TGFBR3: variants seen among roughly 807,000 people sequenced by gnomAD.
TGFBR3 encodes the protein transforming growth factor beta receptor 3.
Under a neutral mutation model 87.9 loss-of-function variants are expected in TGFBR3, and 46 were observed. The ratio of observed to expected loss-of-function variants is 0.52; its 90% CI spans 0.41 to 0.67. TGFBR3 has a LOEUF of 0.67. Ranked by LOEUF, TGFBR3 falls within the 30% of genes least tolerant of loss-of-function variation. The pLI is 0.00. For missense variants in TGFBR3, 866 were observed against 1,041.9 expected (o/e 0.83, Z 2.32); for synonymous variants, 381 against 391.6 (o/e 0.97, Z 0.32).
chr1:91,681,986 T>C lies in TGFBR3; in HGVS notation c.*1753A>G, dbSNP rs770321440. 6.6e-6 allele frequency: 3 copies of C among 453,748 alleles called. No homozygotes were observed. The highest frequency in any genetic ancestry group is 4.4e-6 in the Non-Finnish European group (1 of 226,744). 28.1% of individuals were successfully genotyped at this position (453,748 alleles called of 1,614,324 possible). A position where few individuals can be genotyped will look rare whatever the true frequency, so the allele number is the denominator to read the frequency against. On this transcript the variant is annotated 3_prime_UTR_variant, in exon 17 of 17. Coordinates refer to ENST00000212355, the MANE Select transcript of TGFBR3 (RefSeq NM_003243.5). ...ATCTAGAAATTTTTCAGTAGATCAA[T>C]GTAGATAGCCTGGAAATCTCAGCCC...
At chr1:91,868,074 C>A (rs1199770596) in intron 1 of TGFBR3, among the ~76,000 whole-genome samples, 1 of 152,158 alleles carries the variant, frequency 6.6e-6, no homozygotes, top group Non-Finnish European at 1.5e-5. Flanking sequence ...TGTGCCACCA[C>A]GCCTGGCTAA....
At chr1:91,728,427 A>G (rs1672623936) in intron 6 of TGFBR3, among the ~76,000 whole-genome samples, 1 of 152,362 alleles carries the variant, frequency 6.6e-6, no homozygotes, top group Admixed American at 6.5e-5. Flanking sequence ...AAATAAAGAA[A>G]ACAGATGGTC....
intron 2 of TGFBR3, among the ~76,000 whole-genome samples, chr1:91,807,789 T>C (rs1324448982): frequency 6.6e-6 from 1 of 152,088 alleles, no homozygotes; most frequent in Non-Finnish European, 1.5e-5. Context: ...TAGCAAGAGG[T>C]GTCCTTGTAT....
chr1:91,731,075 A>G (rs1385345140), intron 5 of TGFBR3, among the ~76,000 whole-genome samples: 4 of 152,264 alleles, frequency 2.6e-5, no homozygotes, highest in African/African-American at 9.6e-5. Flanking sequence ...GACCAGTGTC[A>G]AGGAAGTTCT....
intron 2 of TGFBR3, among the ~76,000 whole-genome samples, chr1:91,807,407 A>T (rs1331331843): frequency 1.3e-5 from 2 of 152,200 alleles, no homozygotes; most frequent in African/African-American, 2.4e-5. Context: ...CTTCCTCCTA[A>T]CAAACTAACC....
chr1:91,814,001 G>T (rs1676114600), intron 2 of TGFBR3, among the ~76,000 whole-genome samples: 1 of 152,208 alleles, frequency 6.6e-6, no homozygotes. Flanking sequence ...AGGCAGTAAT[G>T]CTCACTCACC....
At chr1:91,724,464 T>G (rs1672481956) in intron 7 of TGFBR3, among the ~76,000 whole-genome samples, 1 of 152,134 alleles carries the variant, frequency 6.6e-6, no homozygotes, top group African/African-American at 2.4e-5. Context: ...GCTGAGAAAA[T>G]ATCGTATTTC....
At chr1:91,903,070 G>T (rs923427804) in intron 1 of TGFBR3, among the ~76,000 whole-genome samples, 1 of 150,332 alleles carries the variant, frequency 6.7e-6, no homozygotes, top group East Asian at 2.0e-4. Context: ...GGTGGCTCAA[G>T]CCTGTAATCC....
chr1:91,839,029 G>C (rs1161973522), intron 2 of TGFBR3, among the ~76,000 whole-genome samples: 2 of 152,158 alleles, frequency 1.3e-5, no homozygotes, highest in Non-Finnish European at 2.9e-5. Context: ...CCAGGCTAGA[G>C]TGCAGTGGCA....
At chr1:91,887,948 CAAATT>C (rs1395831265), upstream of TGFBR3, among the ~76,000 whole-genome samples, 4 of 152,166 alleles carry the variant, frequency 2.6e-5, no homozygotes, top group African/African-American at 9.7e-5. Context: ...CTCCTAGACT[CAAATT>C]AAACAGTATT....
At chr1:91,737,492 C>T (rs1375529784) in intron 4 of TGFBR3, among the ~76,000 whole-genome samples, 1 of 152,086 alleles carries the variant, frequency 6.6e-6, no homozygotes, top group Non-Finnish European at 1.5e-5. Context: ...AGGCCCAGAC[C>T]AGAACTTAAG....
intron 3 of TGFBR3, among the ~76,000 whole-genome samples, chr1:91,777,562 T>C (rs1473767): frequency 0.5 from 73,504 of 146,464 alleles, 19,263 homozygotes; most frequent in African/African-American, 0.64. Flanking sequence ...ATTCCAGCAA[T>C]GCCTTCCCCC....
intron 2 of TGFBR3, among the ~76,000 whole-genome samples, chr1:91,833,495 C>T (rs1195973709): frequency 1.4e-5 from 2 of 142,868 alleles, no homozygotes; most frequent in South Asian, 4.4e-4. Flanking sequence ...AGGCCAGGCA[C>T]GGTGGCTTAC....
Position 91,855,203 on chromosome 1 carries a change from A to G in TGFBR3, c.61+6268T>C, listed in dbSNP as rs545468487. Reference sequence around the variant, plus strand: ...GGAAAAGAAATGTGTTTCTCAATAGAAATCTGTGCACAGTTTGCAGGCGAG... The same window carrying G: ...GGAAAAGAAATGTGTTTCTCAATAGGAATCTGTGCACAGTTTGCAGGCGAG... On this transcript the variant is annotated intron_variant, in intron 2 of 16. Transcript: ENST00000212355. Among the ~76,000 whole-genome samples, 4 of 152,330 alleles carry G rather than the reference A, an allele frequency of 2.6e-5. No individual in the cohort carries two copies. The East Asian group carries it at 7.7e-4, about 29-fold the overall frequency.
chr1:91,729,150 TACACACACACACACACACACAC>T (rs57364204), intron 6 of TGFBR3, among the ~76,000 whole-genome samples: 2 of 66,856 alleles, frequency 3.0e-5, no homozygotes, highest in African/African-American at 5.5e-5. Flanking sequence ...CACTCCAGCA[TACACACACACACACACACACAC>T]ACACACACAC....
At chr1:91,843,289 T>C (rs886778725) in intron 2 of TGFBR3, among the ~76,000 whole-genome samples, 2 of 152,104 alleles carry the variant, frequency 1.3e-5, no homozygotes, top group Non-Finnish European at 2.9e-5. Flanking sequence ...ATGGTATGAG[T>C]GTCTTAAAAG....
intron 3 of TGFBR3, among the ~76,000 whole-genome samples, chr1:91,781,159 C>T (rs76518160): frequency 0.014 from 2,093 of 152,266 alleles, 47 homozygotes; most frequent in African/African-American, 0.047. Context: ...CCCAAGAAGA[C>T]TCCTTGCCTG....
intron 16 of TGFBR3, among the ~76,000 whole-genome samples, chr1:91,687,873 C>T (rs1220293102): frequency 6.6e-6 from 1 of 152,144 alleles, no homozygotes. Context: ...TTTAATATTC[C>T]TTGATGCTAG....
intron 5 of TGFBR3, 120 bp from the exon 6 acceptor site, chr1:91,730,093 G>T: frequency 8.7e-7 from 1 of 1,148,418 alleles, no homozygotes; most frequent in Non-Finnish European, 1.3e-6. Context: ...GAGCTCAAAG[G>T]ATGGTTCTTC....
Sources: gnomAD v4.1 joint callset for allele counts (sites outside exome capture counted in the v4.1 genomes callset) on GRCh38, gnomAD v4.1.1 for gene constraint, MANE v1.5 for transcripts, NCBI Gene and HGNC (gene_info 2026-07-23, HGNC 2026-07-21) for gene names.